PADI1: variants seen among roughly 807,000 people sequenced by gnomAD.
PADI1 encodes the protein peptidyl arginine deiminase 1.
PADI1 carries 65 observed loss-of-function variants against 74.8 expected under a neutral mutation model. The observed-to-expected ratio is 0.87, with a 90% CI of 0.71 to 1.07. The LOEUF (loss-of-function observed/expected upper bound fraction) is 1.07. Among genes scored for constraint, PADI1 ranks in the 50% least tolerant of loss-of-function variants. The pLI, the probability that PADI1 is intolerant of heterozygous loss-of-function variation, is 0.00. For synonymous variants in PADI1, 371 were observed against 336.2 expected (o/e 1.10, Z -1.13); for missense variants, 943 against 854.0 (o/e 1.10, Z -1.30).
Position 17,222,320 on chromosome 1 carries a change from G to T in PADI1, c.123G>T (p.Arg41Ser). 1 of 1,614,050 alleles carries T rather than the reference G, an allele frequency of 6.2e-7. No homozygotes were observed. The highest frequency in any genetic ancestry group is 1.7e-5 in the Admixed American group (1 of 60,016). ...SDVPKGANSF[R>S]VSGSSGVEVF... ...TGCCCAAGGGTGCCAACAGCTTCAG[G>T]GTCTCTGGAAGCTCCGGGGTGGAGG... is the stretch of plus-strand genomic sequence containing the variant. The change falls in exon 2 of 16, where the codon AGG becomes AGT. Residue 41 changes from arginine (R) to serine (S), a missense_variant. Physicochemically the swap from Arg to Ser is moderately radical, Grantham distance 110. Transcript: ENST00000375471.
At chr1:17,207,331 C>G (rs2071710996) in intron 1 of PADI1, among the ~76,000 whole-genome samples, 2 of 152,182 alleles carry the variant, frequency 1.3e-5, no homozygotes, top group South Asian at 4.1e-4. Flanking sequence ...GGTGAAGTAC[C>G]CAGACCCTGG....
chr1:17,220,759 C>T (rs1056817146), intron 1 of PADI1, among the ~76,000 whole-genome samples: 1 of 152,200 alleles, frequency 6.6e-6, no homozygotes, highest in African/African-American at 2.4e-5. Flanking sequence ...GCCACAGGCT[C>T]AAGAGCCTCC....
intron 1 of PADI1, among the ~76,000 whole-genome samples, chr1:17,218,153 T>C (rs1190016585): frequency 6.6e-6 from 1 of 152,192 alleles, no homozygotes; most frequent in East Asian, 1.9e-4. Context: ...GGTCAAATCA[T>C]GGTCAAATTG....
At chr1:17,238,798 G>C in intron 13 of PADI1, 89 bp downstream of exon 13, 1 of 583,086 alleles carries the variant, frequency 1.7e-6, no homozygotes, top group South Asian at 4.7e-5. Context: ...AGATCTCTCA[G>C]CTGGACTCAG....
At chr1:17,240,518 G>A (rs2072752533) in intron 14 of PADI1, 117 bp from the exon 15 acceptor site, 2 of 1,133,626 alleles carry the variant, frequency 1.8e-6, no homozygotes, top group Non-Finnish European at 2.5e-6. Context: ...AAGCTGTTGT[G>A]AGGCTTGAAG....
chr1:17,243,684 A>G (rs1242654841), intron 15 of PADI1, among the ~76,000 whole-genome samples: 2 of 152,284 alleles, frequency 1.3e-5, no homozygotes, highest in African/African-American at 4.8e-5. Flanking sequence ...CTCTTGTTCT[A>G]ACAAAGTTGC....
Position 17,226,149 on chromosome 1 carries a change from T to G in PADI1, c.643T>G (p.Cys215Gly), listed in dbSNP as rs747077276. 1 of 1,614,210 alleles carries G rather than the reference T, an allele frequency of 6.2e-7. No individual in the cohort carries two copies. Among genetic ancestry groups the G allele is most frequent in the East Asian group, 2.2e-5 (1 of 44,886 alleles). The change falls in exon 6 of 16, where the codon TGT becomes GGT. Residue 215 changes from cysteine (C) to glycine (G), a missense_variant. Transcript: ENST00000375471. ...FSDSKRVRVF[C>G]ARGGNSLSDY... ...TGATTCCAAAAGAGTGAGGGTCTTC[T>G]GTGCCAGGGGTGAGTGGCCTGATGG...
At chr1:17,221,040 G>A (rs1269073278) in intron 1 of PADI1, among the ~76,000 whole-genome samples, 4 of 152,218 alleles carry the variant, frequency 2.6e-5, no homozygotes, top group African/African-American at 7.2e-5. Context: ...AGGCAGATGG[G>A]AGGCTTCTCA....
chr1:17,226,006 C>T (rs201522535), intron 5 of PADI1, 27 bp from the exon 6 acceptor site: 26 of 1,612,212 alleles, frequency 1.6e-5, no homozygotes, highest in East Asian at 8.9e-5. Flanking sequence ...GGAGAAAGGG[C>T]GATCTCAAGA....
intron 5 of PADI1, 45 bp from the exon 6 acceptor site, chr1:17,225,988 G>C (rs759707676): frequency 8.1e-6 from 13 of 1,611,670 alleles, no homozygotes; most frequent in Non-Finnish European, 1.1e-5. Context: ...GGATCCTGTT[G>C]GTGGGGTGGA....
Position 17,232,976 on chromosome 1 carries a change from G to A in PADI1, c.1313+6G>A. 6.3e-7 allele frequency: 1 copy of A among 1,594,904 alleles called. No individual in the cohort carries two copies. The highest frequency in any genetic ancestry group is 2.3e-5 in the East Asian group (1 of 44,292). On this transcript the variant is annotated splice_donor_region_variant and intron_variant, in intron 11 of 15. Transcript: ENST00000375471. ...ATCGGGAGCAGCTTCCCCAAGTGAGGGGCTGGGGCGGGAGGTGGGGAGGCA... is the reference window on the plus strand; with the variant it reads ...ATCGGGAGCAGCTTCCCCAAGTGAGAGGCTGGGGCGGGAGGTGGGGAGGCA...
At chr1:17,231,017 T>C (rs768489765) in intron 10 of PADI1, among the ~76,000 whole-genome samples, 29 of 152,126 alleles carry the variant, frequency 1.9e-4, no homozygotes, top group Non-Finnish European at 4.0e-4. Context: ...TTGGAGAGAA[T>C]GCACCCTTAG....
At chr1:17,210,189 G>A (rs568026898) in intron 1 of PADI1, among the ~76,000 whole-genome samples, 42 of 151,852 alleles carry the variant, frequency 2.8e-4, no homozygotes, top group Admixed American at 8.5e-4. Context: ...ACAAGGTCTC[G>A]TTCTGTCACC....
At chr1:17,237,923 G>T (rs1032677479) in intron 12 of PADI1, among the ~76,000 whole-genome samples, 1 of 152,210 alleles carries the variant, frequency 6.6e-6, no homozygotes, top group Non-Finnish European at 1.5e-5. Flanking sequence ...GGTGGCTTGG[G>T]AAGGCATGGC....
Position 17,223,703 on chromosome 1 carries a change from A to G in PADI1, c.346+10A>G. 6.2e-7 allele frequency: 1 copy of G among 1,612,052 alleles called. No individual in the cohort carries two copies. Among genetic ancestry groups the G allele is most frequent in the Non-Finnish European group, 8.5e-7 (1 of 1,178,232 alleles). On this transcript the variant is annotated intron_variant, in intron 3 of 15. Coordinates refer to ENST00000375471, the MANE Select transcript of PADI1 (RefSeq NM_013358.3). Reference sequence around the variant, plus strand: ...TACCTCACTGGCGTCGGTAAGTAGCAGCTCCCTGGCTGCCCATCTATCCCT... The same window carrying G: ...TACCTCACTGGCGTCGGTAAGTAGCGGCTCCCTGGCTGCCCATCTATCCCT...
intron 1 of PADI1, among the ~76,000 whole-genome samples, chr1:17,206,957 A>G (rs1355320073): frequency 6.6e-6 from 1 of 152,156 alleles, no homozygotes; most frequent in Non-Finnish European, 1.5e-5. Flanking sequence ...CTGGGATTAT[A>G]GGCGTGAGCC....
At chr1:17,232,090 C>G (rs942146505) in intron 10 of PADI1, among the ~76,000 whole-genome samples, 2 of 152,102 alleles carry the variant, frequency 1.3e-5, no homozygotes, top group Non-Finnish European at 2.9e-5. Context: ...AGGTGTCCCC[C>G]ACCCTACCAC....
chr1:17,215,494 C>G (rs2071952891), intron 1 of PADI1, among the ~76,000 whole-genome samples: 1 of 152,170 alleles, frequency 6.6e-6, no homozygotes. Flanking sequence ...ATTGGCTCCA[C>G]AGAGTCCTGC....
Position 17,237,408 on chromosome 1 carries a change from G to T in PADI1, c.1408G>T (p.Val470Leu), listed in dbSNP as rs775835606. 3 of 1,613,706 alleles carry T rather than the reference G, an allele frequency of 1.9e-6. No individual in the cohort carries two copies. The South Asian group carries it at 3.3e-5, about 18-fold the overall frequency. The part of the protein sequence containing the change: ...PVELYSDWLS[V>L]GHVDEFLTFV... ...GGAGCTCTACTCGGACTGGCTCTCTGTGGGCCATGTGGACGAGTTTCTGAC... is the reference window on the plus strand; with the variant it reads ...GGAGCTCTACTCGGACTGGCTCTCTTTGGGCCATGTGGACGAGTTTCTGAC... The change falls in exon 12 of 16, where the codon GTG becomes TTG. Residue 470 changes from valine to leucine, a missense_variant. Val to Leu is a conservative substitution (Grantham distance 32). Transcript: ENST00000375471.
Sources: allele counts gnomAD v4.1 joint callset (sites outside exome capture counted in the v4.1 genomes callset), GRCh38; gene constraint gnomAD v4.1.1; transcripts MANE v1.5; gene names NCBI Gene and HGNC (gene_info 2026-07-23, HGNC 2026-07-21).